The following MYH10 variants were observed in gnomAD, a reference collection of about 807,000 sequenced individuals.
MYH10 encodes the protein myosin heavy chain 10, also known as myosin-10.
Under a neutral mutation model 257.8 loss-of-function variants are expected in MYH10, and 55 were observed. The ratio of observed to expected loss-of-function variants is 0.21; its 90% CI spans 0.17 to 0.27. The LOEUF (loss-of-function observed/expected upper bound fraction) is 0.27, where lower values mean the gene tolerates loss of function less well. Ranked by LOEUF, MYH10 falls within the 10% of genes least tolerant of loss-of-function variation. MYH10 has a pLI of 1.00. For synonymous variants in MYH10, 854 were observed against 921.7 expected (o/e 0.93, Z 1.33); for missense variants, 1,631 against 2,500.6 (o/e 0.65, Z 7.42).
chr17:8,546,011 T>C (rs2151951586), intron 12 of MYH10, among the ~76,000 whole-genome samples: 1 of 152,234 alleles, frequency 6.6e-6, no homozygotes, highest in East Asian at 1.9e-4. Context: ...TGGGGAAAAC[T>C]AGAGATTATA....
At chr17:8,537,645 T>C (rs986669659) in intron 14 of MYH10, among the ~76,000 whole-genome samples, 1 of 152,206 alleles carries the variant, frequency 6.6e-6, no homozygotes, top group Non-Finnish European at 1.5e-5. Context: ...TTAATATTAA[T>C]ATAACAAAAA....
At chr17:8,484,752 C>T (rs776795961) in intron 36 of MYH10, among the ~76,000 whole-genome samples, 3 of 152,162 alleles carry the variant, frequency 2.0e-5, no homozygotes, top group Non-Finnish European at 4.4e-5. Context: ...AAATCTAATA[C>T]CCTTTCAATA....
intron 2 of MYH10, among the ~76,000 whole-genome samples, chr17:8,622,475 C>G (rs935025107): frequency 2.6e-5 from 4 of 152,172 alleles, no homozygotes; most frequent in Non-Finnish European, 5.9e-5. Context: ...TGAAGCTGTT[C>G]ATGCTGTCCA....
chr17:8,611,613 C>A (rs922227699), intron 2 of MYH10, among the ~76,000 whole-genome samples: 8 of 152,062 alleles, frequency 5.3e-5, no homozygotes, highest in African/African-American at 1.9e-4. Context: ...CCAGTAACTA[C>A]AATTAAGAAT....
intron 29 of MYH10, among the ~76,000 whole-genome samples, chr17:8,499,845 T>C (rs972087552): frequency 1.3e-5 from 2 of 152,202 alleles, no homozygotes; most frequent in Admixed American, 6.5e-5. Context: ...GCACCCTTGG[T>C]GCAGGGGTGG....
intron 26 of MYH10, among the ~76,000 whole-genome samples, chr17:8,508,341 G>A (rs530442055): frequency 1.3e-5 from 2 of 152,128 alleles, no homozygotes; most frequent in African/African-American, 4.8e-5. Context: ...GGCCTCATGA[G>A]ATCCTCCTGC....
chr17:8,530,539 C>T, intron 17 of MYH10, 84 bp downstream of exon 17: 1 of 603,738 alleles, frequency 1.7e-6, no homozygotes, highest in Non-Finnish European at 2.5e-6. Context: ...CCCTCCCCGG[C>T]CACCCTGCCA....
intron 1 of MYH10, chr17:8,623,631 CA>C (rs2085558252): frequency 6.8e-6 from 1 of 147,628 alleles, no homozygotes; most frequent in African/African-American, 2.5e-5. Flanking sequence ...AAAAAGAAAA[CA>C]AAGATGGGTA....
chr17:8,610,271 C>CAA lies in MYH10; in HGVS notation c.346-5291_346-5290dup, dbSNP rs71361810. 9.8e-4 allele frequency among the ~76,000 whole-genome samples: 45 copies of CAA among 45,972 alleles called. 3 individuals are homozygous for CAA. The highest frequency in any genetic ancestry group is 2.5e-3 in the African/African-American group (25 of 9,866). The allele number at this position is 45,972 out of a possible 152,430, so 30.2% of individuals were successfully genotyped here. On this transcript the variant is annotated intron_variant, in intron 2 of 42. Coordinates refer to ENST00000360416, the MANE Select transcript of MYH10 (RefSeq NM_001256012.3). ...GTTTATAGGGAGCACCATAGGATTG[C>CAA]AAAAAAAAAAAAAAAAAAAAAGGGT...
chr17:8,480,554 C>T, intron 38 of MYH10, 29 bp from the exon 39 acceptor site: 2 of 1,601,010 alleles, frequency 1.2e-6, no homozygotes, highest in Non-Finnish European at 8.5e-7. Flanking sequence ...GGGGACGGTT[C>T]AATCCCAGCT....
At chr17:8,483,159 G>A (rs1914146015) in intron 37 of MYH10, among the ~76,000 whole-genome samples, 1 of 152,132 alleles carries the variant, frequency 6.6e-6, no homozygotes, top group Non-Finnish European at 1.5e-5. Flanking sequence ...GAAAAATTTA[G>A]AATTACATGA....
intron 1 of MYH10, among the ~76,000 whole-genome samples, chr17:8,629,523 C>T (rs1475207856): frequency 7.2e-5 from 11 of 152,172 alleles, no homozygotes; most frequent in Admixed American, 7.2e-4. Context: ...ACAGGCCTGG[C>T]TGGGGGCCTC....
At chr17:8,526,083 G>A (rs761896658) in intron 17 of MYH10, among the ~76,000 whole-genome samples, 25 of 152,248 alleles carry the variant, frequency 1.6e-4, no homozygotes, top group Non-Finnish European at 3.1e-4. Flanking sequence ...GAGCCACCGC[G>A]CCCAGCCGTT....
intron 25 of MYH10, 54 bp from the exon 26 acceptor site, chr17:8,508,731 GTTCTGTA>G: frequency 6.2e-7 from 1 of 1,604,884 alleles, no homozygotes; most frequent in Non-Finnish European, 8.5e-7. Context: ...GACCACTTGG[GTTCTGTA>G]TTCCTCATAA....
At chr17:8,493,962 T>G in intron 31 of MYH10, 77 bp from the exon 32 acceptor site, 1 of 1,490,164 alleles carries the variant, frequency 6.7e-7, no homozygotes. Context: ...AAAGAATTCA[T>G]GTCGTACAAA....
At chr17:8,563,529 T>C (rs1567905976) in intron 7 of MYH10, among the ~76,000 whole-genome samples, 1 of 152,222 alleles carries the variant, frequency 6.6e-6, no homozygotes, top group Non-Finnish European at 1.5e-5. Flanking sequence ...GGGGTGCTCC[T>C]AGAGCTTGAT....
In MYH10 at chr17:8,493,146, G is replaced by A. The variant is rs531537953; in HGVS notation, c.4210-122C>T. 4.4e-5 allele frequency: 50 copies of A among 1,139,178 alleles called. No individual in the cohort carries two copies. The South Asian group carries it at 7.1e-4, about 16-fold the overall frequency. The allele number at this position is 1,139,178 out of a possible 1,614,324, so 70.6% of individuals were successfully genotyped here. A position where few individuals can be genotyped will look rare whatever the true frequency, so the allele number is the denominator to read the frequency against. ...AGGCCGAGGCGGCAGGATCACTTGA[G>A]GTCAGGAGTTTGAGACCAGCCAGGC... On this transcript the variant is annotated intron_variant, in intron 32 of 42. Coordinates refer to ENST00000360416, the MANE Select transcript of MYH10 (RefSeq NM_001256012.3).
intron 10 of MYH10, 57 bp from the exon 11 acceptor site, chr17:8,548,465 C>T (rs1016098755): frequency 1.4e-6 from 2 of 1,423,790 alleles, no homozygotes; most frequent in Non-Finnish European, 9.6e-7. Context: ...GTAGCGGAGA[C>T]ATATTCTCAT....
chr17:8,490,400 C>T lies in MYH10; in HGVS notation c.4824G>A (p.Glu1608=). The T allele has an allele frequency of 6.2e-7, 1 of 1,614,204 alleles. No homozygotes were observed. Among genetic ancestry groups the T allele is most frequent in the Non-Finnish European group, 8.5e-7 (1 of 1,180,042 alleles). The change falls in exon 35 of 43, where the codon GAG becomes GAA. Residue 1608 remains glutamate, a synonymous_variant. Transcript: ENST00000360416. This position sits in a 1 kb window ranked among gnomAD's most constrained non-coding sequence, Gnocchi z 4.1. The part of the protein sequence containing the change: ...VNMQAMKAQF[E]RDLQTRDEQN... ...GCTCATCCCTGGTTTGCAGGTCTCT[C>T]TCGAACTGCGCCTTCATGGCCTGCA...
Sources: gnomAD v4.1 joint callset for allele counts (sites outside exome capture counted in the v4.1 genomes callset) on GRCh38, gnomAD v4.1.1 for gene constraint, Gnocchi (gnomAD v3.1) non-coding constraint, MANE v1.5 for transcripts, NCBI Gene and HGNC (gene_info 2026-07-23, HGNC 2026-07-21) for gene names.